Variants in MVB12B observed in about 807,000 individuals in gnomAD.
MVB12B encodes ESCRT-I complex subunit MVB12B.
In MVB12B, 16 loss-of-function variants were observed where a neutral mutation model predicts 41.6. That is an observed-to-expected ratio of 0.38 (90% CI 0.26 to 0.58). MVB12B has a LOEUF of 0.58. Among genes scored for constraint, MVB12B ranks in the 20% least tolerant of loss-of-function variants. MVB12B has a pLI of 0.62. For synonymous variants in MVB12B, 133 were observed against 139.7 expected, an observed-to-expected ratio of 0.95 and a Z score of 0.34; for missense variants, 274 against 380.2, an observed-to-expected ratio of 0.72 and a Z score of 2.32.
chr9:126,450,951 A>C (rs1832876905), intron 7 of MVB12B, among the ~76,000 whole-genome samples: 1 of 152,196 alleles, frequency 6.6e-6, no homozygotes, highest in Admixed American at 6.5e-5. Flanking sequence ...CACCCAGCCC[A>C]AAAGGGGACA....
chr9:126,452,089 G>C (rs1224214312), intron 7 of MVB12B, among the ~76,000 whole-genome samples: 2 of 152,212 alleles, frequency 1.3e-5, no homozygotes, highest in African/African-American at 2.4e-5. Flanking sequence ...CTTGTGTCAG[G>C]CACCAGCAGA....
chr9:126,437,755 G>A (rs773269474), intron 7 of MVB12B, among the ~76,000 whole-genome samples: 3 of 152,158 alleles, frequency 2.0e-5, no homozygotes, highest in Non-Finnish European at 2.9e-5. Flanking sequence ...TCTTTAATAA[G>A]CAGATATGAC....
At chr9:126,496,800 C>G (rs1833845236) in intron 9 of MVB12B, among the ~76,000 whole-genome samples, 1 of 152,098 alleles carries the variant, frequency 6.6e-6, no homozygotes, top group Non-Finnish European at 1.5e-5. Flanking sequence ...TTGCCCTGCT[C>G]CTGGACACAG....
intron 6 of MVB12B, among the ~76,000 whole-genome samples, chr9:126,402,091 TG>T (rs1831283999): frequency 6.6e-6 from 1 of 152,220 alleles, no homozygotes; most frequent in East Asian, 1.9e-4. Context: ...GGCATTTGCC[TG>T]TGAGAAGTTT....
intron 7 of MVB12B, among the ~76,000 whole-genome samples, chr9:126,425,285 A>T (rs957259758): frequency 6.6e-6 from 1 of 152,148 alleles, no homozygotes; most frequent in Non-Finnish European, 1.5e-5. Context: ...TTGTCTCTTT[A>T]AAAAAATTAA....
chr9:126,388,377 C>T (rs752639690), intron 4 of MVB12B, among the ~76,000 whole-genome samples: 2 of 152,198 alleles, frequency 1.3e-5, no homozygotes, highest in African/African-American at 2.4e-5. Context: ...TACTTCATTC[C>T]TTCTTATCAC....
intron 7 of MVB12B, among the ~76,000 whole-genome samples, chr9:126,452,036 C>G (rs1408018085): frequency 6.6e-6 from 1 of 152,214 alleles, no homozygotes; most frequent in East Asian, 1.9e-4. Flanking sequence ...GTACCATCAA[C>G]CCCATTCCCA....
intron 1 of MVB12B, among the ~76,000 whole-genome samples, chr9:126,336,919 G>A (rs2118806209): frequency 6.6e-6 from 1 of 152,318 alleles, no homozygotes; most frequent in South Asian, 2.1e-4. Flanking sequence ...GGAACCATCT[G>A]GACCTGATGA....
chr9:126,405,931 T>C (rs1481174349), intron 6 of MVB12B, among the ~76,000 whole-genome samples: 2 of 151,018 alleles, frequency 1.3e-5, no homozygotes, highest in Non-Finnish European at 2.9e-5. Flanking sequence ...GTAAACGTTA[T>C]ATATATATGT....
rs145452890 is a variant in MVB12B, at chr9:126,473,900, G to A, written c.758-7469G>A. Among the ~76,000 whole-genome samples, 860 of 152,306 alleles carry A rather than the reference G, an allele frequency of 5.6e-3. 1 individual carries two copies. Among genetic ancestry groups the A allele is most frequent in the Non-Finnish European group, 7.2e-3 (492 of 68,020 alleles). On this transcript the variant is annotated intron_variant, in intron 7 of 9. Transcript: ENST00000361171. This position sits in a 1 kb window ranked among gnomAD's most constrained non-coding sequence, Gnocchi z 4.0. ...CACCTTGTGTATGGGCAGTAAGCACGGATTCCCTTTCCTTTTCTATTTTGT... is the reference window on the plus strand; with the variant it reads ...CACCTTGTGTATGGGCAGTAAGCACAGATTCCCTTTCCTTTTCTATTTTGT...
intron 6 of MVB12B, among the ~76,000 whole-genome samples, chr9:126,399,929 C>T (rs774247471): frequency 2.6e-4 from 40 of 152,278 alleles, no homozygotes; most frequent in Middle Eastern, 3.4e-3. Flanking sequence ...TGGGCGCAGG[C>T]GGAGAGGGCC....
chr9:126,380,606 T>A (rs1296975037), intron 2 of MVB12B, among the ~76,000 whole-genome samples: 1 of 152,190 alleles, frequency 6.6e-6, no homozygotes, highest in Admixed American at 6.5e-5. Flanking sequence ...AGAATCCCGT[T>A]GACTGAAGCA....
At chr9:126,449,123 G>A (rs1832844918) in intron 7 of MVB12B, among the ~76,000 whole-genome samples, 3 of 152,096 alleles carry the variant, frequency 2.0e-5, no homozygotes, top group South Asian at 2.1e-4. Flanking sequence ...AGGGGCATTC[G>A]TTCACTGGGC....
At chr9:126,451,311 G>C (rs533232384) in intron 7 of MVB12B, among the ~76,000 whole-genome samples, 3 of 152,332 alleles carry the variant, frequency 2.0e-5, no homozygotes, top group African/African-American at 7.2e-5. Flanking sequence ...CCCTGCCCAC[G>C]GTAGGTGCTC....
In MVB12B at chr9:126,383,686, G is replaced by C. The variant is rs150266587; in HGVS notation, c.312+2515G>C. ...ATATTTATGAGGAGGAAATGAAAGA[G>C]AGAACAGATGGGGGAGGGGAGAGGA... On this transcript the variant is annotated intron_variant, in intron 3 of 9. Coordinates refer to ENST00000361171, the MANE Select transcript of MVB12B (RefSeq NM_033446.3). 3.9e-4 allele frequency among the ~76,000 whole-genome samples: 59 copies of C among 152,180 alleles called. 1 individual carries two copies. The East Asian group carries it at 8.0e-3, about 21-fold the overall frequency.
intron 9 of MVB12B, among the ~76,000 whole-genome samples, chr9:126,487,987 G>A (rs1588208391): frequency 6.6e-6 from 1 of 152,156 alleles, no homozygotes; most frequent in Non-Finnish European, 1.5e-5. Context: ...AGCCATTCGC[G>A]TAACGTTGAT....
chr9:126,431,521 T>G (rs1832331504), intron 7 of MVB12B, among the ~76,000 whole-genome samples: 1 of 152,362 alleles, frequency 6.6e-6, no homozygotes, highest in Non-Finnish European at 1.5e-5. Context: ...CTTTTTCCAG[T>G]TAAGTCATCA....
chr9:126,421,704 T>G, intron 6 of MVB12B, 150 bp from the exon 7 acceptor site: 2 of 658,702 alleles, frequency 3.0e-6, no homozygotes, highest in East Asian at 5.3e-5. Flanking sequence ...AGTGGAGGAG[T>G]TATGCTTGAT....
Position 126,480,364 on chromosome 9 carries a change from C to G in MVB12B, c.758-1005C>G, listed in dbSNP as rs1486357797. On this transcript the variant is annotated intron_variant, in intron 7 of 9. Transcript: ENST00000361171. This position sits in a 1 kb window ranked among gnomAD's most constrained non-coding sequence, Gnocchi z 4.9. ...GTTGGCTCTGTGAATGCCGGCATCACGTCTCGTCCAGTGTGACCTGTTCCT... is the reference window on the plus strand; with the variant it reads ...GTTGGCTCTGTGAATGCCGGCATCAGGTCTCGTCCAGTGTGACCTGTTCCT... Among the ~76,000 whole-genome samples the G allele has an allele frequency of 6.6e-6, 1 of 152,234 alleles. No homozygotes were observed. The highest frequency in any genetic ancestry group is 1.9e-4 in the East Asian group (1 of 5,198).
Sources: gnomAD v4.1 joint callset for allele counts (sites outside exome capture counted in the v4.1 genomes callset) on GRCh38, gnomAD v4.1.1 for gene constraint, Gnocchi (gnomAD v3.1) non-coding constraint, MANE v1.5 for transcripts, NCBI Gene and HGNC (gene_info 2026-07-23, HGNC 2026-07-21) for gene names.